Variants in RAD51B observed in about 807,000 individuals in gnomAD.
RAD51B encodes the protein DNA repair protein RAD51 homolog 2.
Under a neutral mutation model 42.2 loss-of-function variants are expected in RAD51B, and 38 were observed. The observed-to-expected ratio is 0.90, with a 90% CI of 0.70 to 1.18. RAD51B has a LOEUF of 1.18. Ranked by LOEUF, RAD51B falls within the 50% of genes most tolerant of loss-of-function variation. The pLI, the probability that RAD51B is intolerant of heterozygous loss-of-function variation, is 0.00. For synonymous variants in RAD51B, 154 were observed against 145.2 expected (o/e 1.06, Z -0.43); for missense variants, 373 against 400.7 (o/e 0.93, Z 0.59).
At position 67,883,304 on chromosome 14, in the gene RAD51B, T is replaced by TA. The variant is rs35677863; in HGVS notation, c.453-2553dup. 8.4e-3 allele frequency among the ~76,000 whole-genome samples: 1,175 copies of TA among 139,338 alleles called. 18 individuals are homozygous for TA. Among genetic ancestry groups the TA allele is most frequent in the African/African-American group, 0.028 (1,041 of 37,712 alleles). 91.4% of individuals were successfully genotyped at this position (139,338 alleles called of 152,430 possible). A position where few individuals can be genotyped will look rare whatever the true frequency, so the allele number is the denominator to read the frequency against. Reference sequence around the variant, plus strand: ...GCTTCCTATTTTGCTAAATAAAAGCTAAAAAAAAAAAATACCACTTTAGCA... The same window carrying TA: ...GCTTCCTATTTTGCTAAATAAAAGCTAAAAAAAAAAAAATACCACTTTAGCA... On this transcript the variant is annotated intron_variant, in intron 5 of 10. Transcript: ENST00000471583.
chr14:68,329,238 C>T (rs1390750891), intron 8 of RAD51B, among the ~76,000 whole-genome samples: 1 of 152,086 alleles, frequency 6.6e-6, no homozygotes, highest in Non-Finnish European at 1.5e-5. Flanking sequence ...AAACTCCTGG[C>T]CTCAAGCCAT....
At chr14:68,342,488 C>T (rs975660510) in intron 8 of RAD51B, among the ~76,000 whole-genome samples, 7 of 152,182 alleles carry the variant, frequency 4.6e-5, no homozygotes, top group African/African-American at 1.2e-4. Flanking sequence ...CATAGAGGGA[C>T]GGGACAGGGG....
At chr14:67,882,440 C>G (rs545260441) in intron 5 of RAD51B, among the ~76,000 whole-genome samples, 4 of 152,288 alleles carry the variant, frequency 2.6e-5, no homozygotes, top group Admixed American at 2.6e-4. Flanking sequence ...GTACTCAATC[C>G]CTAATATCAT....
intron 10 of RAD51B, among the ~76,000 whole-genome samples, chr14:68,504,575 A>T (rs1885149776): frequency 6.6e-6 from 1 of 150,690 alleles, no homozygotes; most frequent in African/African-American, 2.4e-5. Flanking sequence ...CTCCCAGTGG[A>T]CTCTGCGACT....
chr14:68,594,444 G>A, intron 10 of RAD51B: 9 of 1,353,760 alleles, frequency 6.6e-6, no homozygotes, highest in Non-Finnish European at 8.8e-6. Flanking sequence ...AAAGGCAAAA[G>A]GGCCTAGACT....
intron 7 of RAD51B, among the ~76,000 whole-genome samples, chr14:67,909,586 A>C (rs1448844936): frequency 2.0e-5 from 3 of 152,238 alleles, no homozygotes; most frequent in African/African-American, 7.2e-5. Flanking sequence ...TGATTAAATA[A>C]ATTATTACAT....
rs8012967 is a variant in RAD51B, at chr14:68,474,608, G to T, written c.1037-3040G>T. Among the ~76,000 whole-genome samples, 1,303 of 152,268 alleles carry T rather than the reference G, an allele frequency of 8.6e-3. 22 individuals are homozygous for T. The highest frequency in any genetic ancestry group is 0.03 in the African/African-American group (1,255 of 41,536). ...GTTTGTAGCCATTTCTAAGCCCTCA[G>T]CCTGGGCTCCTAAGATTTTAGAAAA... On this transcript the variant is annotated intron_variant, in intron 10 of 10. Coordinates refer to ENST00000471583, the MANE Select transcript of RAD51B (RefSeq NM_133510.4).
intron 7 of RAD51B, among the ~76,000 whole-genome samples, chr14:67,936,341 A>C (rs1261196783): frequency 5.9e-5 from 9 of 152,226 alleles, no homozygotes; most frequent in Non-Finnish European, 8.8e-5. Flanking sequence ...AAGTGGAGTC[A>C]TATAATGTGT....
At chr14:68,199,570 C>T (rs1383127270) in intron 7 of RAD51B, among the ~76,000 whole-genome samples, 1 of 152,234 alleles carries the variant, frequency 6.6e-6, no homozygotes, top group African/African-American at 2.4e-5. Flanking sequence ...CCAGTGAATA[C>T]CACAAACAGT....
At chr14:68,224,983 G>A (rs956882030) in intron 7 of RAD51B, among the ~76,000 whole-genome samples, 5 of 151,956 alleles carry the variant, frequency 3.3e-5, no homozygotes, top group African/African-American at 1.2e-4. Context: ...GAGCCACTGC[G>A]CCCGGCCCAA....
intron 7 of RAD51B, among the ~76,000 whole-genome samples, chr14:68,258,827 AC>A (rs1447433984): frequency 1.3e-5 from 2 of 152,192 alleles, no homozygotes; most frequent in Non-Finnish European, 2.9e-5. Context: ...TAAGGAATAA[AC>A]ACCCACTCAA....
chr14:68,212,570 A>G (rs1440700530), intron 7 of RAD51B, among the ~76,000 whole-genome samples: 2 of 152,250 alleles, frequency 1.3e-5, no homozygotes. Context: ...AGCACTGGGT[A>G]GTGACAGAAT....
chr14:68,547,171 C>G (rs1169913039), intron 10 of RAD51B, among the ~76,000 whole-genome samples: 2 of 152,200 alleles, frequency 1.3e-5, no homozygotes, highest in African/African-American at 4.8e-5. Flanking sequence ...GGTTCCGGCA[C>G]GATTAGTGCA....
chr14:67,916,550 T>G (rs1023180301), intron 7 of RAD51B, among the ~76,000 whole-genome samples: 1 of 139,962 alleles, frequency 7.1e-6, no homozygotes, highest in Non-Finnish European at 1.5e-5. Context: ...ACAGTAATAT[T>G]TTTTTTTTTA....
At chr14:68,622,880 G>C (rs1039800064) in intron 10 of RAD51B, among the ~76,000 whole-genome samples, 3 of 152,090 alleles carry the variant, frequency 2.0e-5, no homozygotes, top group African/African-American at 7.2e-5. Context: ...GAGTCTTCTA[G>C]ACTCGCCCCC....
chr14:68,301,679 C>T (rs1036560819), intron 8 of RAD51B, among the ~76,000 whole-genome samples: 1 of 151,250 alleles, frequency 6.6e-6, no homozygotes, highest in Non-Finnish European at 1.5e-5. Flanking sequence ...TCACTGCAAC[C>T]TCCACCTCCC....
intron 10 of RAD51B, among the ~76,000 whole-genome samples, chr14:68,570,901 A>ACATG (rs1242872314): frequency 1.6e-4 from 24 of 151,212 alleles, no homozygotes; most frequent in Admixed American, 4.6e-4. Context: ...ACACACATGC[A>ACATG]CACACACACA....
At chr14:68,042,309 G>A (rs867626435) in intron 7 of RAD51B, among the ~76,000 whole-genome samples, 26 of 152,286 alleles carry the variant, frequency 1.7e-4, no homozygotes, top group African/African-American at 6.3e-4. Flanking sequence ...GCCAGATACA[G>A]GTCATAATAG....
chr14:68,279,058 G>A (rs148979420), intron 7 of RAD51B, among the ~76,000 whole-genome samples: 1 of 152,062 alleles, frequency 6.6e-6, no homozygotes, highest in African/African-American at 2.4e-5. Flanking sequence ...CTGATTGATG[G>A]TTCTACTCTG....
Sources: gnomAD v4.1 joint callset for allele counts (sites outside exome capture counted in the v4.1 genomes callset) on GRCh38, gnomAD v4.1.1 for gene constraint, MANE v1.5 for transcripts, NCBI Gene and HGNC (gene_info 2026-07-23, HGNC 2026-07-21) for gene names.